The following WAC variants were observed in gnomAD, a reference collection of about 807,000 sequenced individuals.
WAC encodes WW domain containing adaptor with coiled-coil, also known as WW domain-containing adapter protein with coiled-coil.
In WAC, 11 loss-of-function variants were observed where a neutral mutation model predicts 79.6. That is an observed-to-expected ratio of 0.14 (90% CI 0.09 to 0.23). The LOEUF (loss-of-function observed/expected upper bound fraction) is 0.23. Among genes scored for constraint, WAC ranks in the 10% least tolerant of loss-of-function variants. WAC has a pLI of 1.00. For synonymous variants in WAC, 304 were observed against 276.9 expected (o/e 1.10, Z -0.97); for missense variants, 728 against 773.5 (o/e 0.94, Z 0.70).
chr10:28,616,835 T>G (rs1033840698), intron 12 of WAC, among the ~76,000 whole-genome samples: 13 of 152,214 alleles, frequency 8.5e-5, no homozygotes, highest in African/African-American at 2.9e-4. Flanking sequence ...CCCAACACTT[T>G]GGGAGGCCAA....
chr10:28,551,842 T>C (rs1837696552), intron 3 of WAC, among the ~76,000 whole-genome samples: 1 of 145,836 alleles, frequency 6.9e-6, no homozygotes, highest in African/African-American at 2.6e-5. Flanking sequence ...TTTTTTTTCC[T>C]GAGATGGAGT....
chr10:28,551,939 C>T (rs368212437), intron 3 of WAC, among the ~76,000 whole-genome samples: 35 of 151,616 alleles, frequency 2.3e-4, no homozygotes, highest in African/African-American at 7.3e-4. Flanking sequence ...ATTCTCCTGC[C>T]GCTCAGCCTC....
intron 3 of WAC, among the ~76,000 whole-genome samples, chr10:28,561,009 T>A (rs1212689475): frequency 6.6e-6 from 1 of 152,064 alleles, no homozygotes; most frequent in African/African-American, 2.4e-5. Context: ...GAATGCCAGA[T>A]GAAGAGAATG....
chr10:28,558,931 C>T (rs114996817), intron 3 of WAC, among the ~76,000 whole-genome samples: 2,882 of 152,130 alleles, frequency 0.019, 96 homozygotes, highest in African/African-American at 0.066. Flanking sequence ...ATGACGAATA[C>T]GGGTAGTTCA....
chr10:28,614,192 G>T (rs921605229), intron 10 of WAC, among the ~76,000 whole-genome samples: 6 of 151,920 alleles, frequency 3.9e-5, no homozygotes, highest in Non-Finnish European at 7.4e-5. Flanking sequence ...TGCAAGCTCC[G>T]CCTTCCGGGT....
In WAC at chr10:28,617,799, G is replaced by A. The variant is rs968180897; in HGVS notation, c.1874+15G>A. 3 of 1,566,530 alleles carry A rather than the reference G, an allele frequency of 1.9e-6. No homozygotes were observed. The highest frequency in any genetic ancestry group is 2.1e-5 in the Admixed American group (1 of 46,658). ...CGAGAGCAAAGGTAAGTCTTTCACT[G>A]AAATATATTTTTATGTTTCTCAGGA... On this transcript the variant is annotated intron_variant, in intron 13 of 13. Coordinates refer to ENST00000354911, the MANE Select transcript of WAC (RefSeq NM_016628.5).
In WAC at chr10:28,619,621, G is replaced by A; in HGVS notation, c.*15G>A. 1 of 1,562,970 alleles carries A rather than the reference G, an allele frequency of 6.4e-7. No homozygotes were observed. Among genetic ancestry groups the A allele is most frequent in the Non-Finnish European group, 8.6e-7 (1 of 1,163,828 alleles). ...TCATGGTGTGAAGATGTGAATAATT[G>A]CACATGGTTTTGAGAACAGGAACTG... is the stretch of plus-strand genomic sequence containing the variant. On this transcript the variant is annotated 3_prime_UTR_variant, in exon 14 of 14. Transcript: ENST00000354911.
intron 3 of WAC, among the ~76,000 whole-genome samples, chr10:28,562,538 T>C (rs916537975): frequency 1.3e-5 from 2 of 152,240 alleles, no homozygotes; most frequent in Non-Finnish European, 2.9e-5. Flanking sequence ...TCTTTGCACA[T>C]AGGAGATGCT....
chr10:28,547,671 A>AT (rs978694018), intron 3 of WAC, among the ~76,000 whole-genome samples: 7 of 150,748 alleles, frequency 4.6e-5, no homozygotes, highest in African/African-American at 9.7e-5. Context: ...TTATCCTTTA[A>AT]TTTTTTTTTC....
chr10:28,576,071 A>G (rs1334911172), intron 3 of WAC, among the ~76,000 whole-genome samples: 1 of 152,198 alleles, frequency 6.6e-6, no homozygotes, highest in African/African-American at 2.4e-5. Flanking sequence ...TATACCATCT[A>G]GGTTTGCGTT....
At chr10:28,553,765 G>A (rs528875618) in intron 3 of WAC, among the ~76,000 whole-genome samples, 224 of 152,256 alleles carry the variant, frequency 1.5e-3, no homozygotes, top group African/African-American at 5.2e-3. Context: ...GGGAATAAAA[G>A]GATGGTTGTG....
chr10:28,587,043 C>T (rs1589203558), intron 4 of WAC, among the ~76,000 whole-genome samples: 1 of 152,104 alleles, frequency 6.6e-6, no homozygotes. Context: ...GGGAGGCTCG[C>T]TTGAGCCCAG....
Position 28,621,215 on chromosome 10 carries a change from A to ATTTTTTT in WAC, c.*1623_*1629dup, listed in dbSNP as rs9331408. On this transcript the variant is annotated 3_prime_UTR_variant, in exon 14 of 14. Coordinates refer to ENST00000354911, the MANE Select transcript of WAC (RefSeq NM_016628.5). ...TAAATTGGTTTAGGGTTTTTTGGTG[A>ATTTTTTT]TTTTTTTTTTTTTTTTTTTTCTGTT... is the stretch of plus-strand genomic sequence containing the variant. 9.8e-6 allele frequency: 1 copy of ATTTTTTT among 102,504 alleles called. No homozygotes were observed. The allele number at this position is 102,504 out of a possible 1,614,324, so 6.3% of individuals were successfully genotyped here. A position where few individuals can be genotyped will look rare whatever the true frequency, so the allele number is the denominator to read the frequency against.
intron 3 of WAC, among the ~76,000 whole-genome samples, chr10:28,538,581 CAAA>C (rs34777121): frequency 2.1e-4 from 21 of 98,228 alleles, no homozygotes; most frequent in East Asian, 3.0e-4. Flanking sequence ...GACCCTGTCT[CAAA>C]AAAAAAAAAA....
intron 4 of WAC, among the ~76,000 whole-genome samples, chr10:28,587,217 CAT>C (rs1313335894): frequency 2.0e-5 from 3 of 152,164 alleles, no homozygotes; most frequent in East Asian, 1.9e-4. Context: ...TATATGGTAA[CAT>C]ATGTAACATC....
At chr10:28,560,984 TAGAGAATGTCTACTGAATGCCAGATGA>T (rs890163810) in intron 3 of WAC, among the ~76,000 whole-genome samples, 9 of 152,100 alleles carry the variant, frequency 5.9e-5, no homozygotes, top group Admixed American at 2.0e-4. Flanking sequence ...GAAGAGAACC[TAGAGAATGTCTACTGAATGCCAGATGA>T]AGAGAATGTC....
At chr10:28,579,739 G>T (rs538004202) in intron 3 of WAC, among the ~76,000 whole-genome samples, 1 of 152,104 alleles carries the variant, frequency 6.6e-6, no homozygotes, top group Non-Finnish European at 1.5e-5. Flanking sequence ...AGAGATACAC[G>T]GAGAAAGTAA....
chr10:28,618,510 C>CTGTT (rs1841570637), intron 13 of WAC, among the ~76,000 whole-genome samples: 1 of 152,158 alleles, frequency 6.6e-6, no homozygotes, highest in Admixed American at 6.5e-5. Context: ...TTCTTATAGT[C>CTGTT]AGATTGCTCT....
At chr10:28,601,053 C>A (rs567708683) in intron 7 of WAC, among the ~76,000 whole-genome samples, 26 of 151,832 alleles carry the variant, frequency 1.7e-4, no homozygotes, top group African/African-American at 6.0e-4. Flanking sequence ...AATATGATAA[C>A]CAGAGCACAG....
Sources: gnomAD v4.1 joint callset for allele counts (sites outside exome capture counted in the v4.1 genomes callset) on GRCh38, gnomAD v4.1.1 for gene constraint, MANE v1.5 for transcripts, NCBI Gene and HGNC (gene_info 2026-07-23, HGNC 2026-07-21) for gene names.